Variants in TENM3 observed in about 807,000 individuals in gnomAD.
TENM3 encodes the protein teneurin-3.
TENM3 carries 63 observed loss-of-function variants against 255.1 expected under a neutral mutation model. The observed-to-expected ratio is 0.25, with a 90% CI of 0.20 to 0.30. TENM3 has a LOEUF of 0.30. TENM3 is among the 10% of genes least tolerant of loss of function. The pLI is 1.00. For synonymous variants in TENM3, 1,306 were observed against 1,322.3 expected, an observed-to-expected ratio of 0.99 and a Z score of 0.27; for missense variants, 2,929 against 3,461.1, an observed-to-expected ratio of 0.85 and a Z score of 3.86.
At chr4:181,741,712 G>T in the TENM3 span, among the ~76,000 whole-genome samples, 4 of 152,152 alleles carry the variant, frequency 2.6e-5, no homozygotes, top group Non-Finnish European at 5.9e-5. Context: ...GGCCTAGTCA[G>T]CACTAGGATG....
chr4:181,460,052 T>C, the TENM3 span, among the ~76,000 whole-genome samples: 1 of 151,966 alleles, frequency 6.6e-6, no homozygotes, highest in African/African-American at 2.4e-5. Context: ...CAGTTTATCC[T>C]TACATATTTC....
At chr4:181,483,580 G>A in the TENM3 span, among the ~76,000 whole-genome samples, 1 of 152,098 alleles carries the variant, frequency 6.6e-6, no homozygotes, top group Non-Finnish European at 1.5e-5. Context: ...TTAATTGTAA[G>A]CTCATCGCTT....
intron 1 of TENM3, among the ~76,000 whole-genome samples, chr4:182,181,182 C>T (rs1220967902): frequency 2.6e-5 from 4 of 152,104 alleles, no homozygotes; most frequent in South Asian, 2.1e-4. Flanking sequence ...TCAGGCATTC[C>T]GTATACATAA....
intron 3 of TENM3, among the ~76,000 whole-genome samples, chr4:182,532,323 T>G (rs1404366840): frequency 5.3e-5 from 8 of 152,212 alleles, no homozygotes. Context: ...ATGCATATAG[T>G]ACCTAGAATA....
At chr4:182,563,185 C>T (rs1379019373) in intron 3 of TENM3, among the ~76,000 whole-genome samples, 4 of 152,044 alleles carry the variant, frequency 2.6e-5, no homozygotes, top group East Asian at 1.9e-4. Context: ...GAGGTTGAGG[C>T]GGGTGGATCA....
intron 1 of TENM3, among the ~76,000 whole-genome samples, chr4:182,165,862 A>G (rs1325115200): frequency 1.3e-5 from 2 of 151,972 alleles, no homozygotes; most frequent in African/African-American, 4.8e-5. Flanking sequence ...TACAACCTCC[A>G]TCTCCCAGGT....
chr4:181,458,278 C>T, the TENM3 span, among the ~76,000 whole-genome samples: 2 of 151,770 alleles, frequency 1.3e-5, no homozygotes, highest in African/African-American at 4.8e-5. Context: ...CTCATCAGAT[C>T]GGAGAAAAAA....
At chr4:181,741,730 G>C in the TENM3 span, among the ~76,000 whole-genome samples, 92 of 152,276 alleles carry the variant, frequency 6.0e-4, no homozygotes, top group Admixed American at 1.4e-3. Flanking sequence ...ATGAGCGAGG[G>C]CCACCCTGTC....
chr4:182,519,997 A>C (rs1403310594), intron 3 of TENM3, among the ~76,000 whole-genome samples: 1 of 152,160 alleles, frequency 6.6e-6, no homozygotes, highest in Non-Finnish European at 1.5e-5. Flanking sequence ...GAAGAGGTAT[A>C]GGTGGGCAGG....
At chr4:182,715,761 A>G (rs567317917) in intron 13 of TENM3, among the ~76,000 whole-genome samples, 91 of 152,258 alleles carry the variant, frequency 6.0e-4, no homozygotes, top group African/African-American at 2.1e-3. Context: ...ACACACTCAC[A>G]CACACACACA....
the TENM3 span, among the ~76,000 whole-genome samples, chr4:181,903,100 T>C: frequency 6.6e-6 from 1 of 152,168 alleles, no homozygotes; most frequent in Non-Finnish European, 1.5e-5. Context: ...AGCCTTAATT[T>C]ACTCAGCAAA....
At chr4:182,066,827 C>G in the TENM3 span, among the ~76,000 whole-genome samples, 3 of 151,856 alleles carry the variant, frequency 2.0e-5, no homozygotes, top group Non-Finnish European at 4.4e-5. Flanking sequence ...AGGAGAATGG[C>G]GTGAACCCGG....
chr4:182,292,906 G>C lies in TENM3; in HGVS notation c.-75-31040G>C, dbSNP rs1300904465. Reference sequence around the variant, plus strand: ...TGAAGGATGTGGAGGAGTTAACTAGGGGGAGAGGTAGACACAGTCCCAAGC... The same window carrying C: ...TGAAGGATGTGGAGGAGTTAACTAGCGGGAGAGGTAGACACAGTCCCAAGC... On this transcript the variant is annotated intron_variant, in intron 1 of 27. Coordinates refer to ENST00000511685, the MANE Select transcript of TENM3 (RefSeq NM_001080477.4). Among the ~76,000 whole-genome samples, 3 of 152,132 alleles carry C rather than the reference G, an allele frequency of 2.0e-5. No homozygotes were observed. In the South Asian group the frequency reaches 6.2e-4, roughly 32 times the overall value.
the TENM3 span, among the ~76,000 whole-genome samples, chr4:181,507,932 A>G: frequency 6.6e-6 from 1 of 152,214 alleles, no homozygotes; most frequent in East Asian, 1.9e-4. Context: ...GGCGATTAAA[A>G]TCTGCTTTTG....
intron 3 of TENM3, among the ~76,000 whole-genome samples, chr4:182,363,377 GTA>G (rs1491526660): frequency 1.3e-5 from 2 of 151,486 alleles, no homozygotes; most frequent in Non-Finnish European, 2.9e-5. Context: ...ATATATGTGT[GTA>G]TATATATGAA....
intron 3 of TENM3, among the ~76,000 whole-genome samples, chr4:182,450,971 TG>T (rs1482396957): frequency 1.3e-5 from 2 of 152,218 alleles, no homozygotes; most frequent in African/African-American, 4.8e-5. Flanking sequence ...CCTGTTGTAT[TG>T]ATCATTAATA....
chr4:181,873,377 G>A, the TENM3 span, among the ~76,000 whole-genome samples: 1 of 151,930 alleles, frequency 6.6e-6, no homozygotes. Context: ...CCTAATATAA[G>A]TATTTTAATG....
At chr4:182,278,397 A>G (rs576122411) in intron 1 of TENM3, among the ~76,000 whole-genome samples, 22 of 152,258 alleles carry the variant, frequency 1.4e-4, no homozygotes, top group East Asian at 1.2e-3. Flanking sequence ...AAGAAAAAAA[A>G]GAAATGTACT....
the TENM3 span, among the ~76,000 whole-genome samples, chr4:182,075,771 T>G: frequency 1.3e-5 from 2 of 152,194 alleles, no homozygotes; most frequent in African/African-American, 4.8e-5. Context: ...AGGCTCTGCA[T>G]AGTGCCTGCC....
Sources: gnomAD v4.1 joint callset for allele counts (sites outside exome capture counted in the v4.1 genomes callset) on GRCh38, gnomAD v4.1.1 for gene constraint, MANE v1.5 for transcripts, NCBI Gene and HGNC (gene_info 2026-07-23, HGNC 2026-07-21) for gene names.